MPZL3: variants seen among roughly 807,000 people sequenced by gnomAD.
MPZL3 encodes the protein myelin protein zero-like protein 3.
Under a neutral mutation model 24.8 loss-of-function variants are expected in MPZL3, and 23 were observed. That is an observed-to-expected ratio of 0.93 (90% CI 0.67 to 1.31). The LOEUF is 1.31. MPZL3 is among the 40% of genes most tolerant of loss of function. The pLI is 0.00. For synonymous variants in MPZL3, 99 were observed against 106.5 expected (o/e 0.93, Z 0.44); for missense variants, 277 against 294.9 (o/e 0.94, Z 0.44).
At chr11:118,243,004 T>A (rs1949515439) in intron 1 of MPZL3, among the ~76,000 whole-genome samples, 1 of 152,018 alleles carries the variant, frequency 6.6e-6, no homozygotes, top group African/African-American at 2.4e-5. Context: ...TCACCTTTTT[T>A]ATAGTACATG....
chr11:118,236,308 A>G (rs1456879591), intron 3 of MPZL3, among the ~76,000 whole-genome samples: 1 of 152,102 alleles, frequency 6.6e-6, no homozygotes, highest in Non-Finnish European at 1.5e-5. Context: ...AGAGAAAGAG[A>G]AGGAAGAAAT....
chr11:118,252,317 G>A lies in MPZL3; in HGVS notation c.-23C>T. 1.2e-6 allele frequency: 2 copies of A among 1,611,850 alleles called. No individual in the cohort carries two copies. The highest frequency in any genetic ancestry group is 1.7e-6 in the Non-Finnish European group (2 of 1,178,370). On this transcript the variant is annotated 5_prime_UTR_variant, in exon 1 of 6. Transcript: ENST00000278949. ...CATCCCGGCAGCTCTTCAGATGCTT[G>A]CACACCTTGTTTACAGCTCCCGGTA...
chr11:118,230,036 A>G, intron 5 of MPZL3, 116 bp from the exon 6 acceptor site: 1 of 846,384 alleles, frequency 1.2e-6, no homozygotes, highest in South Asian at 1.6e-5. Flanking sequence ...CCACAGTGAA[A>G]TGCCACTGAC....
chr11:118,237,305 C>A (rs368879877), intron 2 of MPZL3, 45 bp from the exon 3 acceptor site: 3 of 1,554,366 alleles, frequency 1.9e-6, no homozygotes, highest in Non-Finnish European at 2.7e-6. Flanking sequence ...TTGGAAAATG[C>A]AATGAAAATA....
chr11:118,240,740 C>G (rs1269174750), intron 1 of MPZL3, among the ~76,000 whole-genome samples: 3 of 46,590 alleles, frequency 6.4e-5, no homozygotes, highest in African/African-American at 1.2e-4. Flanking sequence ...CAGACACACA[C>G]ACACACACAC....
chr11:118,230,001 A>G (rs1430743606), intron 5 of MPZL3, 81 bp from the exon 6 acceptor site: 24 of 1,334,998 alleles, frequency 1.8e-5, no homozygotes, highest in East Asian at 4.8e-5. Context: ...GGATCCTCCA[A>G]ATGGAACCTG....
chr11:118,247,967 T>G (rs1949574025), intron 1 of MPZL3, among the ~76,000 whole-genome samples: 1 of 152,164 alleles, frequency 6.6e-6, no homozygotes, highest in Non-Finnish European at 1.5e-5. Flanking sequence ...TGTTGACTTA[T>G]GTCTTCTCCA....
intron 1 of MPZL3, among the ~76,000 whole-genome samples, chr11:118,246,774 C>T (rs570625683): frequency 3.4e-4 from 52 of 151,644 alleles, no homozygotes; most frequent in African/African-American, 5.3e-4. Context: ...TTGGTAGAGA[C>T]GGGGTTTCCC....
intron 1 of MPZL3, among the ~76,000 whole-genome samples, chr11:118,251,925 C>T (rs1298443734): frequency 1.3e-5 from 2 of 152,234 alleles, no homozygotes; most frequent in African/African-American, 4.8e-5. Flanking sequence ...CACAAAATAA[C>T]ACCGGGTGCC....
At chr11:118,237,299 A>G (rs1455105507) in intron 2 of MPZL3, 39 bp from the exon 3 acceptor site, 2 of 1,561,870 alleles carry the variant, frequency 1.3e-6, no homozygotes, top group African/African-American at 2.7e-5. Context: ...GTTAACTTGG[A>G]AAATGCAATG....
At chr11:118,232,403 C>CT (rs1011675160) in intron 5 of MPZL3, among the ~76,000 whole-genome samples, 1 of 151,536 alleles carries the variant, frequency 6.6e-6, no homozygotes, top group Non-Finnish European at 1.5e-5. Context: ...TTTTTAAAAA[C>CT]TTTGTGAGTA....
intron 1 of MPZL3, among the ~76,000 whole-genome samples, chr11:118,245,828 C>T (rs1949550915): frequency 6.6e-6 from 1 of 152,156 alleles, no homozygotes; most frequent in Non-Finnish European, 1.5e-5. Context: ...TCTTTTAAAA[C>T]AAAGTTTTAT....
chr11:118,232,613 G>T (rs534074986), intron 5 of MPZL3, among the ~76,000 whole-genome samples: 1 of 152,040 alleles, frequency 6.6e-6, no homozygotes, highest in Non-Finnish European at 1.5e-5. Context: ...GATAATAACC[G>T]TATGAACATT....
At chr11:118,252,034 G>A (rs1029314120) in intron 1 of MPZL3, among the ~76,000 whole-genome samples, 188 bp downstream of exon 1, 1 of 152,164 alleles carries the variant, frequency 6.6e-6, no homozygotes, top group Admixed American at 6.5e-5. Flanking sequence ...CTCAGGAAAG[G>A]ACTGACAAAA....
chr11:118,234,478 G>C (rs1054612158), intron 4 of MPZL3, among the ~76,000 whole-genome samples: 1 of 152,116 alleles, frequency 6.6e-6, no homozygotes, highest in Non-Finnish European at 1.5e-5. Context: ...AGGGGTCTTA[G>C]AGGATGAGAA....
At position 118,252,274 on chromosome 11, in the gene MPZL3, A is replaced by G. The variant is rs1296662144; in HGVS notation, c.21T>C (p.Ala7=). 5 of 1,613,938 alleles carry G rather than the reference A, an allele frequency of 3.1e-6. No homozygotes were observed. The highest frequency in any genetic ancestry group is 1.3e-5 in the African/African-American group (1 of 74,944). MQQRGA[A]GSRGCALFPL... is the part of the protein sequence containing the mutation. Reference sequence around the variant, plus strand: ...GGAAGAGAGCGCAGCCACGGCTTCCAGCTGCTCCTCTCTGCTGCATCCCGG... The same window carrying G: ...GGAAGAGAGCGCAGCCACGGCTTCCGGCTGCTCCTCTCTGCTGCATCCCGG... The change falls in exon 1 of 6, where the codon GCT becomes GCC. Residue 7 remains alanine, a synonymous_variant. Transcript: ENST00000278949.
chr11:118,233,681 C>G (rs1440868292), intron 4 of MPZL3, among the ~76,000 whole-genome samples, 158 bp from the exon 5 acceptor site: 3 of 152,132 alleles, frequency 2.0e-5, no homozygotes, highest in Non-Finnish European at 4.4e-5. Context: ...GCCCCAGAAG[C>G]CTGTTTCCTC....
At chr11:118,251,906 T>G (rs1341483719) in intron 1 of MPZL3, among the ~76,000 whole-genome samples, 1 of 152,174 alleles carries the variant, frequency 6.6e-6, no homozygotes, top group Non-Finnish European at 1.5e-5. Flanking sequence ...CAACCACTGA[T>G]AATAACACCA....
intron 5 of MPZL3, among the ~76,000 whole-genome samples, chr11:118,233,126 C>T (rs932650285): frequency 2.0e-5 from 3 of 152,076 alleles, no homozygotes; most frequent in South Asian, 2.1e-4. Context: ...AATTCAGGGT[C>T]GAGTCCAGCC....
Sources: gnomAD v4.1 joint callset for allele counts (sites outside exome capture counted in the v4.1 genomes callset) on GRCh38, gnomAD v4.1.1 for gene constraint, MANE v1.5 for transcripts, NCBI Gene and HGNC (gene_info 2026-07-23, HGNC 2026-07-21) for gene names.